The following SYNE1 variants were observed in gnomAD, a reference collection of about 807,000 sequenced individuals.
SYNE1 encodes spectrin repeat containing nuclear envelope protein 1, also known as nesprin-1.
SYNE1 carries 616 observed loss-of-function variants against 1,111.0 expected under a neutral mutation model. That is an observed-to-expected ratio of 0.55 (90% CI 0.52 to 0.59). SYNE1 has a LOEUF of 0.59. Among genes scored for constraint, SYNE1 ranks in the 20% least tolerant of loss-of-function variants. SYNE1 has a pLI of 0.00. For synonymous variants in SYNE1, 3,855 were observed against 3,825.8 expected (o/e 1.01, Z -0.28); for missense variants, 10,006 against 10,417.0 (o/e 0.96, Z 1.72).
chr6:152,357,320 A>G (rs1329268188), intron 66 of SYNE1, among the ~76,000 whole-genome samples: 1 of 152,158 alleles, frequency 6.6e-6, no homozygotes, highest in Non-Finnish European at 1.5e-5. Flanking sequence ...ATTTCCAAGA[A>G]CTAGTAGAAA....
intron 91 of SYNE1, among the ~76,000 whole-genome samples, chr6:152,305,403 C>T (rs1254633926): frequency 5.9e-5 from 9 of 152,024 alleles, no homozygotes; most frequent in African/African-American, 2.2e-4. Flanking sequence ...GTAGCTGAGA[C>T]TACAGACACC....
chr6:152,484,712 T>C (rs2098930353), intron 13 of SYNE1, 123 bp downstream of exon 13: 1 of 1,030,268 alleles, frequency 9.7e-7, no homozygotes, highest in Non-Finnish European at 1.4e-6. Context: ...CATAGTTAAG[T>C]CTTTCTAGCC....
At chr6:152,135,814 G>C (rs1488471119) in intron 141 of SYNE1, among the ~76,000 whole-genome samples, 1 of 152,062 alleles carries the variant, frequency 6.6e-6, no homozygotes, top group Non-Finnish European at 1.5e-5. Context: ...GGCTTTCCAT[G>C]GCGCTCAGAA....
intron 32 of SYNE1, among the ~76,000 whole-genome samples, chr6:152,438,963 A>G (rs2098501800): frequency 6.6e-6 from 1 of 152,174 alleles, no homozygotes; most frequent in African/African-American, 2.4e-5. Flanking sequence ...TCCCAACCTC[A>G]CTATTTAGTG....
chr6:152,461,889 C>T, intron 20 of SYNE1, 149 bp from the exon 21 acceptor site: 1 of 921,758 alleles, frequency 1.1e-6, no homozygotes, highest in South Asian at 1.5e-5. Context: ...TTTTGCTTCC[C>T]TTCATTACTA....
intron 4 of SYNE1, among the ~76,000 whole-genome samples, chr6:152,534,013 G>A (rs568751667): frequency 6.6e-5 from 10 of 151,984 alleles, no homozygotes; most frequent in Admixed American, 2.0e-4. Flanking sequence ...ACAAAAACTA[G>A]CTGGGCATGG....
rs140568392 is a variant in SYNE1, at chr6:152,381,299, C to T, written c.8716G>A (p.Glu2906Lys). 2.1e-5 allele frequency: 34 copies of T among 1,614,126 alleles called. No homozygotes were observed. The highest frequency in any genetic ancestry group is 1.6e-4 in the Middle Eastern group (1 of 6,062). ...CTGGCAGTTGTGTTCTGTTTCACTT[C>T]GGGAGCCAGCGACTCCACTCTGCTG... ...RLSRVESLAP[E>K]VKQNTTASGC... The change falls in exon 56 of 146, where the codon GAA becomes AAA. Residue 2906 changes from glutamate to lysine, a missense_variant. By Grantham distance (56) the Glu-to-Lys change is moderately conservative. Transcript: ENST00000367255.
In SYNE1 at chr6:152,352,168, T is replaced by C. The variant is rs767805653; in HGVS notation, c.11439A>G (p.Lys3813=). 4.3e-6 allele frequency: 7 copies of C among 1,614,216 alleles called. No homozygotes were observed. In the Admixed American group the frequency reaches 1.2e-4, roughly 27 times the overall value. ...TVRKEHMTLE[K]GLHLAKEFSD... is the part of the protein sequence containing the mutation. ...AGAATTCCTTTGCTAAATGAAGACC[T>C]TTTTCCAGCGTCATGTGTTCTTTCC... is the stretch of plus-strand genomic sequence containing the variant. Residue 3813 remains lysine, a synonymous_variant, in exon 70 of 146, where the codon AAA becomes AAG. Coordinates refer to ENST00000367255, the MANE Select transcript of SYNE1 (RefSeq NM_182961.4).
chr6:152,282,765 T>C (rs1177008814), intron 96 of SYNE1, among the ~76,000 whole-genome samples: 2 of 152,136 alleles, frequency 1.3e-5, no homozygotes, highest in Non-Finnish European at 2.9e-5. Flanking sequence ...ACATCGGCTT[T>C]AAATTTCTCT....
chr6:152,558,984 A>ATTTAT (rs781092335), intron 3 of SYNE1, among the ~76,000 whole-genome samples: 2 of 78,586 alleles, frequency 2.5e-5, no homozygotes, highest in African/African-American at 1.1e-4. Context: ...ATTTTTATTT[A>ATTTAT]TTTATTTATT....
At chr6:152,310,914 T>A in intron 87 of SYNE1, 41 bp from the exon 88 acceptor site, 1 of 1,582,390 alleles carries the variant, frequency 6.3e-7, no homozygotes, top group Non-Finnish European at 8.6e-7. Context: ...GACGGGCAGG[T>A]AGAGGGATAT....
At chr6:152,207,907 G>A in intron 125 of SYNE1, 65 bp downstream of exon 125, 1 of 1,542,604 alleles carries the variant, frequency 6.5e-7, no homozygotes, top group Non-Finnish European at 9.0e-7. Flanking sequence ...GAAAAACCGA[G>A]GCGAAGGTAA....
chr6:152,341,792 T>A (rs6907303), intron 74 of SYNE1, among the ~76,000 whole-genome samples: 1 of 151,930 alleles, frequency 6.6e-6, no homozygotes, highest in Non-Finnish European at 1.5e-5. Context: ...GGAAGTTGTA[T>A]AATGAAACAA....
In SYNE1 at chr6:152,230,623, G is replaced by A. The variant is rs1446891791; in HGVS notation, c.21119C>T (p.Thr7040Ile). Residue 7040 changes from threonine (T) to isoleucine (I), a missense_variant, in exon 115 of 146, where the codon ACC (threonine) becomes ATC (isoleucine). Physicochemically the swap from Thr to Ile is moderately conservative, Grantham distance 89. Transcript: ENST00000367255. ...CTGTTGTTTTAGTCTCTTTTCCTGG[G>A]TTTCAAACCATGTTTTCAGACATTG... The part of the protein sequence containing the change: ...NVQCLKTWFE[T>I]QEKRLKQQHR... 2 of 1,613,890 alleles carry A rather than the reference G, an allele frequency of 1.2e-6. No individual in the cohort carries two copies. Among genetic ancestry groups the A allele is most frequent in the Non-Finnish European group, 1.7e-6 (2 of 1,179,940 alleles).
At chr6:152,125,211 C>T in intron 145 of SYNE1, 1 of 1,528,634 alleles carries the variant, frequency 6.5e-7, no homozygotes, top group South Asian at 1.2e-5. Context: ...AAATGTTTTG[C>T]TGGTTGGTGA....
In SYNE1 at chr6:152,278,094, T is replaced by C. The variant is rs769165501; in HGVS notation, c.18568A>G (p.Met6190Val). Residue 6190 changes from methionine to valine, a missense_variant, in exon 98 of 146, where the codon ATG becomes GTG. By Grantham distance (21) the Met-to-Val change is conservative. Coordinates refer to ENST00000367255, the MANE Select transcript of SYNE1 (RefSeq NM_182961.4). ...CCAGCGGCTGGAACCCTCACCTGCA[T>C]GTTGAGCTGCTTATCATGCAGGGCT... is the stretch of plus-strand genomic sequence containing the variant. ...QRALHDKQLN[M>V]QGTAQEKEES... is the part of the protein sequence containing the mutation. The C allele has an allele frequency of 3.1e-6, 5 of 1,613,934 alleles. No homozygotes were observed. In the South Asian group the frequency reaches 5.5e-5, roughly 18 times the overall value.
At position 152,239,624 on chromosome 6, in the gene SYNE1, T is replaced by C; in HGVS notation, c.19976A>G (p.Glu6659Gly). Residue 6659 changes from glutamate (E) to glycine (G), a missense_variant, in exon 108 of 146, where the codon GAA becomes GGA. Coordinates refer to ENST00000367255, the MANE Select transcript of SYNE1 (RefSeq NM_182961.4). ...RKIISFAVQK[E>G]TQFHTELMAQ... The stretch of plus-strand genomic sequence containing the variant: ...CATCAGCTCTGTATGGAACTGGGTT[T>C]CCTTTTGGACTGCAAAGCTGATTAT... 6.2e-7 allele frequency: 1 copy of C among 1,614,228 alleles called. No individual in the cohort carries two copies.
chr6:152,143,269 C>A (rs891379641), intron 138 of SYNE1, among the ~76,000 whole-genome samples: 1 of 152,174 alleles, frequency 6.6e-6, no homozygotes, highest in South Asian at 2.1e-4. Flanking sequence ...TAGCTAAAAT[C>A]TGCTGCTCCA....
At chr6:152,123,899 AAGACAGACTACCCTAATATCGGTG>A (rs2052364968) in intron 145 of SYNE1, among the ~76,000 whole-genome samples, 1 of 152,248 alleles carries the variant, frequency 6.6e-6, no homozygotes, top group African/African-American at 2.4e-5. Flanking sequence ...TTAATTTCTG[AAGACAGACTACCCTAATATCGGTG>A]GGGGATGCGG....
Sources: allele counts gnomAD v4.1 joint callset (sites outside exome capture counted in the v4.1 genomes callset), GRCh38; gene constraint gnomAD v4.1.1; transcripts MANE v1.5; gene names NCBI Gene and HGNC (gene_info 2026-07-23, HGNC 2026-07-21).